TPRG1: variants seen among roughly 807,000 people sequenced by gnomAD.
The protein encoded by TPRG1 is tumor protein p63 regulated 1, also known as tumor protein p63-regulated gene 1 protein.
TPRG1 carries 29 observed loss-of-function variants against 29.3 expected under a neutral mutation model. The observed-to-expected ratio is 0.99, with a 90% confidence interval of 0.74 to 1.35. TPRG1 has a LOEUF of 1.35. Among genes scored for constraint, TPRG1 ranks in the 40% most tolerant of loss-of-function variants. The probability of loss-of-function intolerance (pLI) is 0.00; values close to 1 mark genes in which losing one functional copy is unlikely to be tolerated. For synonymous variants in TPRG1, 130 were observed against 116.8 expected, an observed-to-expected ratio of 1.11 and a Z score of -0.73; for missense variants, 327 against 335.0, an observed-to-expected ratio of 0.98 and a Z score of 0.19.
intron 3 of TPRG1, among the ~76,000 whole-genome samples, chr3:189,141,151 G>GA (rs1402280838): frequency 2.0e-5 from 3 of 152,280 alleles, no homozygotes; most frequent in Non-Finnish European, 4.4e-5. Context: ...TCATGTTGCA[G>GA]AAAAAATCCT....
At chr3:189,251,992 A>G (rs901918860) in intron 4 of TPRG1, among the ~76,000 whole-genome samples, 1 of 152,148 alleles carries the variant, frequency 6.6e-6, no homozygotes, top group Non-Finnish European at 1.5e-5. Context: ...TCACATGGGG[A>G]GAAACCTTGG....
At chr3:189,269,091 GT>G (rs575985858) in intron 4 of TPRG1, among the ~76,000 whole-genome samples, 97 of 144,596 alleles carry the variant, frequency 6.7e-4, no homozygotes, top group South Asian at 2.4e-3. Flanking sequence ...ACATCCTGAG[GT>G]TTTTTTTTTT....
intron 4 of TPRG1, among the ~76,000 whole-genome samples, chr3:189,269,361 G>A (rs866202525): frequency 4.6e-5 from 7 of 151,930 alleles, no homozygotes; most frequent in East Asian, 1.9e-4. Context: ...TTTTGTTTTC[G>A]TTTTTCACTT....
intron 4 of TPRG1, among the ~76,000 whole-genome samples, chr3:189,291,654 G>A (rs548332396): frequency 6.6e-5 from 10 of 152,258 alleles, no homozygotes; most frequent in South Asian, 2.1e-4. Flanking sequence ...TTAACCCCAC[G>A]ACAATTCTTA....
At position 189,037,831 on chromosome 3, in the gene TPRG1, C is replaced by T. The variant is rs116340446; in HGVS notation, c.-463+13885C>T. 2.9e-3 allele frequency among the ~76,000 whole-genome samples: 445 copies of T among 151,176 alleles called. 1 individual carries two copies. The highest frequency in any genetic ancestry group is 6.8e-3 in the Middle Eastern group (2 of 294). ...AGATATATCCATCAAGTATAATATA[C>T]CAGCAAAACTTTAAGATATAAATAT... On this transcript the variant is annotated intron_variant, in intron 4 of 10. Coordinates refer to the TPRG1 transcript ENST00000433971.
At chr3:189,069,525 TTATC>T (rs145435833) in intron 4 of TPRG1, among the ~76,000 whole-genome samples, 203 of 152,242 alleles carry the variant, frequency 1.3e-3, no homozygotes, top group African/African-American at 4.7e-3. Context: ...TACATGGTAT[TTATC>T]TATATTATTT....
At chr3:189,121,743 G>A (rs1258928771) in intron 1 of TPRG1, 1 of 152,152 alleles carries the variant, frequency 6.6e-6, no homozygotes, top group Non-Finnish European at 1.5e-5. Context: ...CTTAGGAAGC[G>A]AGAGAGCAGG....
chr3:189,250,517 CA>C (rs1560605637), intron 4 of TPRG1, among the ~76,000 whole-genome samples: 1 of 107,810 alleles, frequency 9.3e-6, no homozygotes, highest in African/African-American at 3.3e-5. Flanking sequence ...CCCCCCCCCC[CA>C]CCCAGATTAA....
At position 189,274,785 on chromosome 3, in the gene TPRG1, A is replaced by G. The variant is rs1009772109; in HGVS notation, c.480-35601A>G. Among the ~76,000 whole-genome samples the G allele has an allele frequency of 2.0e-5, 3 of 152,290 alleles. 1 individual carries two copies. Among genetic ancestry groups the G allele is most frequent in the Middle Eastern group, 6.8e-3 (2 of 294 alleles). On this transcript the variant is annotated intron_variant, in intron 4 of 5. Transcript: ENST00000345063. The stretch of plus-strand genomic sequence containing the variant: ...ACCAATTTAAAAACATTTGAAGATA[A>G]TCAATTAATTTTGATAACATTTAAA...
chr3:189,245,012 C>T (rs141826815), intron 4 of TPRG1, among the ~76,000 whole-genome samples: 295 of 152,276 alleles, frequency 1.9e-3, no homozygotes, highest in African/African-American at 6.2e-3. Flanking sequence ...CCTCCACCTC[C>T]GGAGTTCAAG....
At chr3:189,022,035 G>T (rs1251505099) in intron 3 of TPRG1, among the ~76,000 whole-genome samples, 1 of 151,894 alleles carries the variant, frequency 6.6e-6, no homozygotes, top group Non-Finnish European at 1.5e-5. Flanking sequence ...GGCTCCTGAG[G>T]CTTCTGCATT....
chr3:189,156,590 C>T (rs1454969918), intron 5 of TPRG1, among the ~76,000 whole-genome samples: 3 of 152,184 alleles, frequency 2.0e-5, no homozygotes, highest in South Asian at 2.1e-4. Context: ...AAGCCCCTGG[C>T]GATACCCTTT....
At chr3:189,027,231 G>T (rs1713710649) in intron 4 of TPRG1, among the ~76,000 whole-genome samples, 1 of 152,112 alleles carries the variant, frequency 6.6e-6, no homozygotes, top group Non-Finnish European at 1.5e-5. Flanking sequence ...TTGTACCTCA[G>T]GCCTACTTTT....
intron 3 of TPRG1, among the ~76,000 whole-genome samples, chr3:189,017,035 A>C (rs1182930577): frequency 6.6e-6 from 1 of 152,120 alleles, no homozygotes; most frequent in Admixed American, 6.6e-5. Context: ...TATGTTTTCT[A>C]AATTGGTTCC....
At chr3:189,312,162 T>C (rs1577038758) in intron 5 of TPRG1, among the ~76,000 whole-genome samples, 9 of 71,288 alleles carry the variant, frequency 1.3e-4, no homozygotes, top group African/African-American at 5.2e-4. Context: ...TCTTTCTTTC[T>C]TTCTTTCTTT....
intron 4 of TPRG1, among the ~76,000 whole-genome samples, chr3:189,263,189 T>A (rs1713444953): frequency 6.6e-6 from 1 of 152,244 alleles, no homozygotes; most frequent in South Asian, 2.1e-4. Flanking sequence ...CCTGCCACTT[T>A]CAGGATTTCA....
chr3:189,221,641 A>G (rs1578890554), intron 3 of TPRG1, among the ~76,000 whole-genome samples: 1 of 152,340 alleles, frequency 6.6e-6, no homozygotes, highest in African/African-American at 2.4e-5. Context: ...AATAAAAAGA[A>G]GAGCAGCCTG....
chr3:189,098,492 G>A (rs148629162), upstream of TPRG1, among the ~76,000 whole-genome samples: 5 of 152,224 alleles, frequency 3.3e-5, no homozygotes, highest in East Asian at 5.8e-4. Context: ...GGAAGAGAGG[G>A]TACTGGGGGC....
chr3:189,096,886 T>C (rs920118872), upstream of TPRG1, among the ~76,000 whole-genome samples: 2 of 152,216 alleles, frequency 1.3e-5, no homozygotes, highest in African/African-American at 2.4e-5. Context: ...CAGACAACTG[T>C]AGACAGTTCT....
Sources: allele counts gnomAD v4.1 joint callset (sites outside exome capture counted in the v4.1 genomes callset), GRCh38; gene constraint gnomAD v4.1.1; transcripts MANE v1.5; gene names NCBI Gene and HGNC (gene_info 2026-07-23, HGNC 2026-07-21).